Variants in PDK1 observed in about 807,000 individuals in gnomAD.
The protein encoded by PDK1 is [Pyruvate dehydrogenase (acetyl-transferring)] kinase isozyme 1, mitochondrial.
A neutral mutation model predicts 54.2 loss-of-function variants in PDK1; 39 were observed. The ratio of observed to expected loss-of-function variants is 0.72; its 90% CI spans 0.56 to 0.94. The LOEUF (loss-of-function observed/expected upper bound fraction) is 0.94. Ranked by LOEUF, PDK1 falls within the 40% of genes least tolerant of loss-of-function variation. PDK1 has a pLI of 0.00. For missense variants in PDK1, 552 were observed against 566.0 expected (o/e 0.98, Z 0.25); for synonymous variants, 221 against 207.1 (o/e 1.07, Z -0.58).
downstream of PDK1, among the ~76,000 whole-genome samples, chr2:172,613,247 T>C (rs1299672719): frequency 6.6e-6 from 1 of 152,174 alleles, no homozygotes; most frequent in Non-Finnish European, 1.5e-5. Context: ...GGCAGGGACT[T>C]CCCTAGGGGT....
At chr2:172,653,789 T>C in the PDK1 span, among the ~76,000 whole-genome samples, 13 of 152,154 alleles carry the variant, frequency 8.5e-5, no homozygotes, top group Admixed American at 2.0e-4. Flanking sequence ...CTAATTAAAC[T>C]AAAGAGCTTC....
chr2:172,626,114 A>C, the PDK1 span, among the ~76,000 whole-genome samples: 1 of 152,196 alleles, frequency 6.6e-6, no homozygotes, highest in Non-Finnish European at 1.5e-5. Flanking sequence ...TGGAAGATAA[A>C]AATATCTTTG....
chr2:172,720,114 CTCTTT>C, the PDK1 span, among the ~76,000 whole-genome samples: 1 of 81,754 alleles, frequency 1.2e-5, no homozygotes, highest in African/African-American at 4.3e-5. Flanking sequence ...CTCTCTCTCT[CTCTTT>C]TTTTTTTTTT....
chr2:172,634,024 C>T, the PDK1 span, among the ~76,000 whole-genome samples: 1 of 150,584 alleles, frequency 6.6e-6, no homozygotes, highest in Non-Finnish European at 1.5e-5. Context: ...TAGAGGCACA[C>T]TCCACCAGGC....
downstream of PDK1, among the ~76,000 whole-genome samples, chr2:172,610,656 G>T (rs144189010): frequency 1.3e-5 from 2 of 152,000 alleles, no homozygotes; most frequent in African/African-American, 4.8e-5. Context: ...TCTTGCACAG[G>T]CTGGAGTGCA....
chr2:172,711,867 A>G, the PDK1 span, among the ~76,000 whole-genome samples: 6 of 136,270 alleles, frequency 4.4e-5, no homozygotes, highest in African/African-American at 1.4e-4. Context: ...ACCTAGCTCA[A>G]AAAAAAAAAA....
rs1298878309 is a variant in PDK1 at position 172,606,086 on chromosome 2, G to A, written c.*10117G>A. 2.0e-5 allele frequency: 3 copies of A among 152,198 alleles called. No homozygotes were observed. The highest frequency in any genetic ancestry group is 7.2e-5 in the African/African-American group (3 of 41,434). The allele number at this position is 152,198 out of a possible 1,614,324, so 9.4% of individuals were successfully genotyped here. ...GGTGGCATCACTGGGTCCTCTCTTG[G>A]ATAGCATAGTCCTATGACCAAATGG... On this transcript the variant is annotated 3_prime_UTR_variant, in exon 11 of 11. Coordinates refer to ENST00000282077, the MANE Select transcript of PDK1 (RefSeq NM_002610.5).
the PDK1 span, among the ~76,000 whole-genome samples, chr2:172,661,025 G>A: frequency 6.6e-6 from 1 of 152,200 alleles, no homozygotes; most frequent in Admixed American, 6.5e-5. Context: ...ACTGACGTTG[G>A]GGGGTTGGTA....
chr2:172,645,416 G>A, the PDK1 span, among the ~76,000 whole-genome samples: 176 of 151,738 alleles, frequency 1.2e-3, 1 homozygote, highest in African/African-American at 1.9e-3. Context: ...TTGCCACCAC[G>A]CCCGGCTAAT....
the PDK1 span, among the ~76,000 whole-genome samples, chr2:172,716,443 A>C: frequency 4.0e-5 from 6 of 151,686 alleles, no homozygotes; most frequent in South Asian, 1.0e-3. Flanking sequence ...CTCCTGCCTC[A>C]CCTCCCGAAT....
chr2:172,637,106 G>A, the PDK1 span, among the ~76,000 whole-genome samples: 5 of 152,292 alleles, frequency 3.3e-5, no homozygotes, highest in Admixed American at 2.0e-4. Flanking sequence ...AGTCTAGAAC[G>A]GGTTAATGAA....
At chr2:172,663,555 C>T in the PDK1 span, among the ~76,000 whole-genome samples, 1 of 151,666 alleles carries the variant, frequency 6.6e-6, no homozygotes, top group Non-Finnish European at 1.5e-5. Flanking sequence ...CTGCAGCCTC[C>T]ACCTCCCAGG....
At chr2:172,618,021 A>C in the PDK1 span, among the ~76,000 whole-genome samples, 1 of 152,226 alleles carries the variant, frequency 6.6e-6, no homozygotes, top group Non-Finnish European at 1.5e-5. Flanking sequence ...TTTCCATTGT[A>C]ATAGATATGA....
intron 8 of PDK1, among the ~76,000 whole-genome samples, chr2:172,579,596 G>C (rs1394280252): frequency 7.3e-6 from 1 of 137,506 alleles, no homozygotes; most frequent in Non-Finnish European, 1.5e-5. Context: ...TATTTTTGCT[G>C]ATGTCACTCC....
chr2:172,678,335 T>C, the PDK1 span, among the ~76,000 whole-genome samples: 3 of 151,454 alleles, frequency 2.0e-5, no homozygotes, highest in Non-Finnish European at 4.4e-5. Context: ...AGATGTATGG[T>C]CACCCAAATT....
the PDK1 span, among the ~76,000 whole-genome samples, chr2:172,646,735 C>CTTTTTTT: frequency 2.6e-4 from 19 of 72,044 alleles, 1 homozygote; most frequent in Admixed American, 1.5e-3. Context: ...CTTGCATTTC[C>CTTTTTTT]TTTTTTTTTT....
rs1030867771 is a variant in PDK1, at chr2:172,605,125, T to A, written c.*9156T>A. ...AGTTAGTGACACACCTATATTACTC[T>A]CCTTGGCATCTTACCCCAGCCCATC... On this transcript the variant is annotated 3_prime_UTR_variant, in exon 11 of 11. Coordinates refer to ENST00000282077, the MANE Select transcript of PDK1 (RefSeq NM_002610.5). 1 of 152,188 alleles carries A rather than the reference T, an allele frequency of 6.6e-6. No homozygotes were observed. Among genetic ancestry groups the A allele is most frequent in the African/African-American group, 2.4e-5 (1 of 41,430 alleles). The allele number at this position is 152,188 out of a possible 1,614,324, so 9.4% of individuals were successfully genotyped here. A position where few individuals can be genotyped will look rare whatever the true frequency, so the allele number is the denominator to read the frequency against.
At chr2:172,685,043 C>T in the PDK1 span, among the ~76,000 whole-genome samples, 1 of 152,206 alleles carries the variant, frequency 6.6e-6, no homozygotes, top group Admixed American at 6.5e-5. Flanking sequence ...TTCTCTCTCT[C>T]CTGCCACATT....
At chr2:172,564,195 G>A in intron 3 of PDK1, 2 of 481,200 alleles carry the variant, frequency 4.2e-6, no homozygotes, top group Non-Finnish European at 8.1e-6. Context: ...CCAGTGCTCA[G>A]ATGACCTTAG....
Sources: allele counts gnomAD v4.1 joint callset (sites outside exome capture counted in the v4.1 genomes callset), GRCh38; gene constraint gnomAD v4.1.1; transcripts MANE v1.5; gene names NCBI Gene and HGNC (gene_info 2026-07-23, HGNC 2026-07-21).